The following DCDC2C variants were observed in gnomAD, a reference collection of about 807,000 sequenced individuals.
DCDC2C encodes doublecortin domain-containing protein 2C.
In DCDC2C, 44 loss-of-function variants were observed where a neutral mutation model predicts 45.0. That is an observed-to-expected ratio of 0.98 (90% CI 0.77 to 1.26). The LOEUF is 1.26. Among genes scored for constraint, DCDC2C ranks in the 50% most tolerant of loss-of-function variants. The pLI is 0.00. For missense variants in DCDC2C, 447 were observed against 468.9 expected (o/e 0.95, Z 0.43); for synonymous variants, 187 against 178.8 (o/e 1.05, Z -0.37).
Position 3,703,967 on chromosome 2 carries a change from G to C in DCDC2C, c.216G>C (p.Val72=). 1 of 1,310,954 alleles carries C rather than the reference G, an allele frequency of 7.6e-7. No homozygotes were observed. The allele number at this position is 1,310,954 out of a possible 1,614,324, so 81.2% of individuals were successfully genotyped here. A position where few individuals can be genotyped will look rare whatever the true frequency, so the allele number is the denominator to read the frequency against. ...RLFTPTRGHR[V]LGLDALQAGG... is the part of the protein sequence containing the mutation. ...TCACGCCCACGCGTGGGCACCGGGT[G>C]CTGGGGCTGGACGCGCTGCAGGCGG... Residue 72 remains valine (V), a synonymous_variant, in exon 1 of 11, where the codon GTG becomes GTC. Coordinates refer to ENST00000399143, the MANE Select transcript of DCDC2C (RefSeq NM_001287444.2). The surrounding 1 kb of genome is among the most constrained non-coding windows in gnomAD (Gnocchi z 4.4).
intron 8 of DCDC2C, among the ~76,000 whole-genome samples, chr2:3,769,815 A>C (rs1670116695): frequency 6.6e-6 from 1 of 152,208 alleles, no homozygotes; most frequent in Non-Finnish European, 1.5e-5. Context: ...ATGATGACTG[A>C]ATAATGGAGT....
intron 1 of DCDC2C, 177 bp downstream of exon 1, chr2:3,704,215 T>G: frequency 1.9e-6 from 1 of 538,420 alleles, no homozygotes; most frequent in Non-Finnish European, 2.8e-6. Context: ...CCACGTGGTT[T>G]CCTGGGGGCG....
At chr2:3,765,868 C>G (rs1669998242) in intron 6 of DCDC2C, among the ~76,000 whole-genome samples, 1 of 152,176 alleles carries the variant, frequency 6.6e-6, no homozygotes, top group African/African-American at 2.4e-5. Context: ...TTGGGAATGA[C>G]AGGGCAGAGG....
At chr2:3,765,766 A>G (rs1669995775) in intron 6 of DCDC2C, among the ~76,000 whole-genome samples, 1 of 152,142 alleles carries the variant, frequency 6.6e-6, no homozygotes, top group South Asian at 2.1e-4. Context: ...TGAAAGAAAA[A>G]CACAACAAAC....
chr2:3,788,796 TCCTTC>T (rs377525088), intron 10 of DCDC2C, among the ~76,000 whole-genome samples: 25,122 of 114,522 alleles, frequency 0.22, 2,410 homozygotes, highest in East Asian at 0.36. Context: ...CTTCCTCCCT[TCCTTC>T]CCTCCCTTCC....
intron 2 of DCDC2C, among the ~76,000 whole-genome samples, chr2:3,716,804 G>A (rs1157476605): frequency 6.6e-6 from 1 of 152,154 alleles, no homozygotes; most frequent in Non-Finnish European, 1.5e-5. Context: ...GACAACGTGT[G>A]GCCTTTTGCA....
intron 10 of DCDC2C, among the ~76,000 whole-genome samples, chr2:3,836,724 C>A (rs144804987): frequency 6.6e-6 from 1 of 151,940 alleles, no homozygotes; most frequent in Non-Finnish European, 1.5e-5. Context: ...TAGCCGGGCA[C>A]GGTGGCGGGC....
intron 2 of DCDC2C, among the ~76,000 whole-genome samples, chr2:3,709,940 G>A (rs746153471): frequency 2.1e-4 from 32 of 152,138 alleles, no homozygotes; most frequent in Non-Finnish European, 4.0e-4. Flanking sequence ...GGCACACCAG[G>A]ATGTCTACAC....
rs545909403 is a variant in DCDC2C at position 3,707,831 on chromosome 2, A to G, written c.288-718A>G. On this transcript the variant is annotated intron_variant, in intron 1 of 10. Coordinates refer to ENST00000399143, the MANE Select transcript of DCDC2C (RefSeq NM_001287444.2). ...ACACTTAGTTATTTCTTCCCCTTCT[A>G]TTTACCAGTCTAAGTTGACCCTTCT... 5.3e-5 allele frequency among the ~76,000 whole-genome samples: 8 copies of G among 152,268 alleles called. No homozygotes were observed. In the East Asian group the frequency reaches 1.3e-3, roughly 26 times the overall value.
intron 2 of DCDC2C, 61 bp from the exon 3 acceptor site, chr2:3,726,942 G>T: frequency 7.0e-7 from 1 of 1,426,400 alleles, no homozygotes; most frequent in Non-Finnish European, 9.7e-7. Context: ...GCACACTGTT[G>T]AGTTTGATGA....
intron 2 of DCDC2C, among the ~76,000 whole-genome samples, chr2:3,722,201 C>G (rs925516344): frequency 1.3e-5 from 2 of 152,186 alleles, no homozygotes; most frequent in Non-Finnish European, 2.9e-5. Context: ...AGTGGCAGAG[C>G]CAGTACTGGG....
At chr2:3,800,521 A>G (rs999108352) in intron 10 of DCDC2C, among the ~76,000 whole-genome samples, 1 of 152,206 alleles carries the variant, frequency 6.6e-6, no homozygotes, top group African/African-American at 2.4e-5. Flanking sequence ...ATTAGCAACT[A>G]TAGTTTGTAG....
At chr2:3,710,731 AGTGTTTGGTTTTCT>A (rs1477379730) in intron 2 of DCDC2C, among the ~76,000 whole-genome samples, 2 of 151,948 alleles carry the variant, frequency 1.3e-5, no homozygotes, top group African/African-American at 4.8e-5. Flanking sequence ...GAGAACATGG[AGTGTTTGGTTTTCT>A]GTTCCTGCGT....
chr2:3,775,904 G>C (rs1053077659), intron 8 of DCDC2C, among the ~76,000 whole-genome samples: 4 of 113,658 alleles, frequency 3.5e-5, no homozygotes, highest in Non-Finnish European at 7.7e-5. Flanking sequence ...AGGCAGCTGT[G>C]GCTGTGGGCT....
intron 5 of DCDC2C, among the ~76,000 whole-genome samples, 171 bp downstream of exon 5, chr2:3,753,071 G>A (rs1247264520): frequency 6.6e-6 from 1 of 152,032 alleles, no homozygotes; most frequent in East Asian, 1.9e-4. Flanking sequence ...GAGGCGTGGG[G>A]GAACTGCTCT....
intron 8 of DCDC2C, among the ~76,000 whole-genome samples, chr2:3,770,040 A>T (rs1670121717): frequency 6.6e-6 from 1 of 152,194 alleles, no homozygotes; most frequent in African/African-American, 2.4e-5. Context: ...CCAGGGTTCC[A>T]GCCCAGCTGC....
chr2:3,744,302 A>G (rs1669298680), intron 4 of DCDC2C, among the ~76,000 whole-genome samples: 1 of 152,208 alleles, frequency 6.6e-6, no homozygotes, highest in African/African-American at 2.4e-5. Flanking sequence ...TGGTGTGGAC[A>G]TGAAGCCACA....
chr2:3,732,184 C>G (rs976182855), intron 3 of DCDC2C, among the ~76,000 whole-genome samples: 2 of 152,034 alleles, frequency 1.3e-5, no homozygotes, highest in African/African-American at 4.8e-5. Context: ...GAGGAAGATA[C>G]AGGAATTGTG....
At chr2:3,806,126 A>G (rs1671237371) in intron 10 of DCDC2C, among the ~76,000 whole-genome samples, 1 of 152,156 alleles carries the variant, frequency 6.6e-6, no homozygotes, top group Non-Finnish European at 1.5e-5. Flanking sequence ...GTGAGCCACC[A>G]TGCCTGGCCT....
Sources: gnomAD v4.1 joint callset for allele counts (sites outside exome capture counted in the v4.1 genomes callset) on GRCh38, gnomAD v4.1.1 for gene constraint, Gnocchi (gnomAD v3.1) non-coding constraint, MANE v1.5 for transcripts, NCBI Gene and HGNC (gene_info 2026-07-23, HGNC 2026-07-21) for gene names.